Variants in MSRA observed in about 807,000 individuals in gnomAD.
The protein encoded by MSRA is mitochondrial peptide methionine sulfoxide reductase.
A neutral mutation model predicts 31.3 loss-of-function variants in MSRA; 54 were observed. That is an observed-to-expected ratio of 1.73 (90% confidence interval 1.39 to 2.17). MSRA has a LOEUF of 2.17. MSRA is among the 30% of genes most tolerant of loss of function. The pLI, the probability that MSRA is intolerant of heterozygous loss-of-function variation, is 0.00. For synonymous variants in MSRA, 169 were observed against 116.5 expected (o/e 1.45, Z -2.90); for missense variants, 507 against 300.9 (o/e 1.69, Z -5.07).
At chr8:10,392,649 T>G (rs12544727) in intron 5 of MSRA, among the ~76,000 whole-genome samples, 1 of 151,198 alleles carries the variant, frequency 6.6e-6, no homozygotes, top group Non-Finnish European at 1.5e-5. Flanking sequence ...ATCCTGTCAT[T>G]TGCCTGTGAC....
intron 1 of MSRA, among the ~76,000 whole-genome samples, chr8:10,176,837 T>G (rs138147472): frequency 6.6e-6 from 1 of 152,322 alleles, no homozygotes; most frequent in East Asian, 1.9e-4. Context: ...CTGGAACTTC[T>G]GGTCATCAGG....
At chr8:10,249,240 C>A (rs962309179) in intron 3 of MSRA, among the ~76,000 whole-genome samples, 3 of 152,188 alleles carry the variant, frequency 2.0e-5, no homozygotes, top group Non-Finnish European at 4.4e-5. Flanking sequence ...GTTAGTCAGG[C>A]AGACAGTTCT....
intron 3 of MSRA, among the ~76,000 whole-genome samples, chr8:10,255,958 G>C (rs1052572921): frequency 6.6e-6 from 1 of 152,074 alleles, no homozygotes; most frequent in African/African-American, 2.4e-5. Flanking sequence ...CACCTGAGTG[G>C]TGCATTTGTT....
At chr8:10,375,376 A>C (rs1003463359) in intron 5 of MSRA, among the ~76,000 whole-genome samples, 6 of 152,252 alleles carry the variant, frequency 3.9e-5, no homozygotes, top group African/African-American at 1.2e-4. Flanking sequence ...AGGTAGATGA[A>C]GAACCTTCAT....
At chr8:10,419,984 C>T (rs17767186) in intron 5 of MSRA, among the ~76,000 whole-genome samples, 39,881 of 152,080 alleles carry the variant, frequency 0.26, 5,532 homozygotes, top group Non-Finnish European at 0.31. Flanking sequence ...CAGGCTGGAG[C>T]ATAACGAGGT....
At chr8:10,388,622 C>T (rs1035477435) in intron 5 of MSRA, among the ~76,000 whole-genome samples, 5 of 152,150 alleles carry the variant, frequency 3.3e-5, no homozygotes, top group African/African-American at 1.2e-4. Flanking sequence ...GAAACCTGCT[C>T]AGAATCCTGG....
chr8:10,230,259 G>T (rs1811351590), intron 2 of MSRA, among the ~76,000 whole-genome samples: 1 of 152,192 alleles, frequency 6.6e-6, no homozygotes, highest in South Asian at 2.1e-4. Context: ...CATGCTTTGG[G>T]GTTTTAAGAA....
At chr8:10,100,955 G>A (rs911450373) in intron 1 of MSRA, among the ~76,000 whole-genome samples, 3 of 152,108 alleles carry the variant, frequency 2.0e-5, no homozygotes, top group Admixed American at 2.0e-4. Flanking sequence ...GTCTATCAAT[G>A]TCATTTATAT....
intron 3 of MSRA, among the ~76,000 whole-genome samples, chr8:10,264,347 A>T (rs1482846870): frequency 2.0e-5 from 3 of 152,238 alleles, no homozygotes; most frequent in Non-Finnish European, 4.4e-5. Flanking sequence ...CAATCTTATC[A>T]TTGGATGAAA....
intron 5 of MSRA, among the ~76,000 whole-genome samples, chr8:10,346,688 CG>C (rs1803797383): frequency 6.6e-6 from 1 of 152,134 alleles, no homozygotes; most frequent in South Asian, 2.1e-4. Context: ...TAACAAGATG[CG>C]GGGAATCTTG....
chr8:10,339,731 T>C (rs543295115), intron 5 of MSRA, among the ~76,000 whole-genome samples: 2 of 151,546 alleles, frequency 1.3e-5, no homozygotes, highest in Non-Finnish European at 1.5e-5. Flanking sequence ...TTAGTAGAGA[T>C]GGGGTTTCAC....
chr8:10,193,566 C>A (rs753477059), intron 1 of MSRA, among the ~76,000 whole-genome samples: 3 of 152,154 alleles, frequency 2.0e-5, no homozygotes, highest in Admixed American at 2.0e-4. Context: ...AAGTCAGGCA[C>A]CCAGCAGTGT....
At chr8:10,210,481 C>G (rs1809380468) in intron 2 of MSRA, among the ~76,000 whole-genome samples, 1 of 152,204 alleles carries the variant, frequency 6.6e-6, no homozygotes, top group African/African-American at 2.4e-5. Flanking sequence ...TGCATGCCTT[C>G]CCGGAGTGCT....
At chr8:10,368,293 C>T (rs1271953777) in intron 5 of MSRA, among the ~76,000 whole-genome samples, 1 of 152,226 alleles carries the variant, frequency 6.6e-6, no homozygotes, top group Non-Finnish European at 1.5e-5. Context: ...CCTGCCCAGC[C>T]TTGTAAATCT....
chr8:10,209,376 A>G (rs777105162), intron 2 of MSRA, among the ~76,000 whole-genome samples: 13 of 152,128 alleles, frequency 8.5e-5, no homozygotes, highest in Non-Finnish European at 1.8e-4. Flanking sequence ...ACACTAACCT[A>G]TTATTAGTGG....
intron 1 of MSRA, among the ~76,000 whole-genome samples, chr8:10,086,241 G>T (rs1798552409): frequency 3.9e-5 from 6 of 152,220 alleles, no homozygotes; most frequent in Admixed American, 3.9e-4. Context: ...TGGGTGATGA[G>T]GCATGAATTG....
At chr8:10,297,800 A>G (rs80026653) in intron 3 of MSRA, among the ~76,000 whole-genome samples, 16,814 of 152,224 alleles carry the variant, frequency 0.11, 999 homozygotes, top group South Asian at 0.16. Context: ...TCAGTGGCAG[A>G]TTATGTCTGA....
At chr8:10,423,566 C>T (rs563625311) in intron 5 of MSRA, among the ~76,000 whole-genome samples, 5 of 152,228 alleles carry the variant, frequency 3.3e-5, no homozygotes, top group African/African-American at 9.6e-5. Flanking sequence ...TGACAGTCTT[C>T]GTCCCCTATC....
intron 2 of MSRA, among the ~76,000 whole-genome samples, chr8:10,221,458 G>C (rs1482249238): frequency 6.7e-6 from 1 of 149,138 alleles, no homozygotes; most frequent in African/African-American, 2.5e-5. Context: ...ATATATATTT[G>C]TTCTTTACAC....
Sources: allele counts gnomAD v4.1 joint callset (sites outside exome capture counted in the v4.1 genomes callset), GRCh38; gene constraint gnomAD v4.1.1; transcripts MANE v1.5; gene names NCBI Gene and HGNC (gene_info 2026-07-23, HGNC 2026-07-21).